DOCK1: variants seen among roughly 807,000 people sequenced by gnomAD.
DOCK1 encodes dedicator of cytokinesis protein 1.
Under a neutral mutation model 262.7 loss-of-function variants are expected in DOCK1, and 138 were observed. The ratio of observed to expected loss-of-function variants is 0.53; its 90% CI spans 0.46 to 0.61. DOCK1 has a LOEUF of 0.61. DOCK1 is among the 20% of genes least tolerant of loss of function. DOCK1 has a pLI of 0.00. For synonymous variants in DOCK1, 866 were observed against 867.4 expected, an observed-to-expected ratio of 1.00 and a Z score of 0.03; for missense variants, 1,908 against 2,370.7, an observed-to-expected ratio of 0.80 and a Z score of 4.05.
intron 33 of DOCK1, among the ~76,000 whole-genome samples, chr10:127,365,818 G>T (rs1211986526): frequency 6.6e-6 from 1 of 152,080 alleles, no homozygotes; most frequent in African/African-American, 2.4e-5. Context: ...GTTTGCAGGG[G>T]CCCCAGGTTT....
At chr10:127,440,668 G>A (rs953010472) in intron 49 of DOCK1, among the ~76,000 whole-genome samples, 18 of 152,306 alleles carry the variant, frequency 1.2e-4, no homozygotes, top group African/African-American at 4.3e-4. Flanking sequence ...GCAGTCACAT[G>A]CTACCTGGCT....
chr10:127,106,653 T>C (rs1198098524), intron 24 of DOCK1, among the ~76,000 whole-genome samples: 1 of 152,114 alleles, frequency 6.6e-6, no homozygotes, highest in East Asian at 1.9e-4. Flanking sequence ...CATAGGAGCT[T>C]TAATATTCCT....
At chr10:127,151,608 T>G (rs2133470808) in intron 27 of DOCK1, among the ~76,000 whole-genome samples, 2 of 152,304 alleles carry the variant, frequency 1.3e-5, no homozygotes, top group Admixed American at 1.3e-4. Flanking sequence ...TCTATTCAGT[T>G]TCTGAAGATG....
chr10:126,965,502 G>A (rs900386479), intron 1 of DOCK1, among the ~76,000 whole-genome samples: 10 of 152,252 alleles, frequency 6.6e-5, no homozygotes, highest in African/African-American at 1.9e-4. Flanking sequence ...ACATCTCACC[G>A]AGGGGTGATG....
At position 126,981,920 on chromosome 10, in the gene DOCK1, T is replaced by C. The variant is rs1467129880; in HGVS notation, c.174T>C (p.Gly58=). Residue 58 remains glycine (G), a splice_region_variant and synonymous_variant, in exon 4 of 52, where the codon GGT becomes GGC. Coordinates refer to ENST00000623213, the MANE Select transcript of DOCK1 (RefSeq NM_001290223.2). ...CTGTTTTTTTTTTCCTCCCAAAGGG[T>C]ATATTTCCTGCTTCATATATTCATC... The part of the protein sequence containing the change: ...GYTLRKKSKK[G]IFPASYIHLK... The C allele has an allele frequency of 1.2e-6, 2 of 1,612,448 alleles. No homozygotes were observed. The highest frequency in any genetic ancestry group is 2.7e-5 in the African/African-American group (2 of 74,766).
chr10:126,976,740 C>CTT (rs112979221), intron 2 of DOCK1, among the ~76,000 whole-genome samples: 1 of 146,286 alleles, frequency 6.8e-6, no homozygotes, highest in Non-Finnish European at 1.5e-5. Flanking sequence ...TGTCTTTAAG[C>CTT]TTTTTTTTTT....
At chr10:127,449,931 A>T (rs955878209) in intron 51 of DOCK1, among the ~76,000 whole-genome samples, 2 of 152,178 alleles carry the variant, frequency 1.3e-5, no homozygotes, top group African/African-American at 4.8e-5. Flanking sequence ...TGACATGCTC[A>T]TACTTGGCAT....
intron 29 of DOCK1, among the ~76,000 whole-genome samples, chr10:127,275,117 G>C (rs1217150531): frequency 6.6e-6 from 1 of 152,162 alleles, no homozygotes; most frequent in East Asian, 1.9e-4. Context: ...ATGATATTCA[G>C]GCCACCTGGG....
At chr10:127,303,172 T>A (rs755777735) in intron 29 of DOCK1, among the ~76,000 whole-genome samples, 3 of 152,144 alleles carry the variant, frequency 2.0e-5, no homozygotes, top group Non-Finnish European at 4.4e-5. Context: ...ACTTGGGATT[T>A]ATAGCCAACA....
chr10:127,221,954 G>A (rs1031466572), intron 27 of DOCK1, among the ~76,000 whole-genome samples: 2 of 152,212 alleles, frequency 1.3e-5, no homozygotes, highest in African/African-American at 2.4e-5. Context: ...CTCCAAAGCA[G>A]TAGAGACATT....
chr10:126,907,581 T>A (rs1055532246), intron 1 of DOCK1, among the ~76,000 whole-genome samples: 1 of 152,082 alleles, frequency 6.6e-6, no homozygotes, highest in Non-Finnish European at 1.5e-5. Flanking sequence ...GGGCTTCTCT[T>A]TGGGACGCCA....
intron 1 of DOCK1, among the ~76,000 whole-genome samples, chr10:126,944,633 T>G (rs2035259224): frequency 6.6e-6 from 1 of 151,708 alleles, no homozygotes; most frequent in Admixed American, 6.6e-5. Flanking sequence ...AGGAAGTGAC[T>G]GGGAAGGAAA....
intron 3 of DOCK1, among the ~76,000 whole-genome samples, 197 bp downstream of exon 3, chr10:126,978,185 T>C (rs1016099121): frequency 5.9e-5 from 9 of 152,232 alleles, no homozygotes; most frequent in Admixed American, 2.0e-4. Context: ...AAATTGTAGC[T>C]TCATCTCCGT....
At position 127,061,792 on chromosome 10, in the gene DOCK1, T is replaced by A. The variant is rs1398248807; in HGVS notation, c.2445+16T>A. On this transcript the variant is annotated intron_variant, in intron 23 of 51. Coordinates refer to ENST00000623213, the MANE Select transcript of DOCK1 (RefSeq NM_001290223.2). ...CCGGGTGAAGGTGAGTGCCGGCCAC[T>A]GCCAAGGCAGACTTCTCCTTCTTTT... 1 of 1,557,688 alleles carries A rather than the reference T, an allele frequency of 6.4e-7. No individual in the cohort carries two copies. The highest frequency in any genetic ancestry group is 8.7e-7 in the Non-Finnish European group (1 of 1,150,098).
chr10:126,920,008 C>T (rs777035984), intron 1 of DOCK1, among the ~76,000 whole-genome samples: 1 of 152,138 alleles, frequency 6.6e-6, no homozygotes, highest in African/African-American at 2.4e-5. Flanking sequence ...CGGCTCAGCT[C>T]GAGAATGCAG....
chr10:127,206,120 C>T (rs1315127903), intron 27 of DOCK1, among the ~76,000 whole-genome samples: 3 of 148,934 alleles, frequency 2.0e-5, no homozygotes, highest in African/African-American at 7.4e-5. Flanking sequence ...TGTCATCTAC[C>T]ATATATTCTT....
chr10:127,282,062 C>T (rs1048859643), intron 29 of DOCK1, among the ~76,000 whole-genome samples: 13 of 152,152 alleles, frequency 8.5e-5, no homozygotes, highest in African/African-American at 2.9e-4. Context: ...TAAGAGTTTA[C>T]GAATTTGTGT....
intron 29 of DOCK1, among the ~76,000 whole-genome samples, chr10:127,288,281 T>C (rs1413606074): frequency 1.3e-5 from 2 of 152,192 alleles, no homozygotes; most frequent in East Asian, 3.9e-4. Flanking sequence ...GGCTTTCTTT[T>C]TGATGTGACA....
intron 27 of DOCK1, among the ~76,000 whole-genome samples, chr10:127,236,354 TCTCCTTCCCTCC>T (rs1483796855): frequency 4.2e-5 from 5 of 117,854 alleles, no homozygotes; most frequent in Non-Finnish European, 8.4e-5. Flanking sequence ...TCCTTCCCTC[TCTCCTTCCCTCC>T]CTCCTTTGCT....
Sources: gnomAD v4.1 joint callset for allele counts (sites outside exome capture counted in the v4.1 genomes callset) on GRCh38, gnomAD v4.1.1 for gene constraint, MANE v1.5 for transcripts, NCBI Gene and HGNC (gene_info 2026-07-23, HGNC 2026-07-21) for gene names.